The following ELAVL2 variants were observed in gnomAD, a reference collection of about 807,000 sequenced individuals.
The protein encoded by ELAVL2 is ELAV-like protein 2.
A neutral mutation model predicts 34.6 loss-of-function variants in ELAVL2; 4 were observed. That is an observed-to-expected ratio of 0.12 (90% CI 0.06 to 0.26). ELAVL2 has a LOEUF of 0.26. Ranked by LOEUF, ELAVL2 falls within the 10% of genes least tolerant of loss-of-function variation. ELAVL2 has a pLI of 1.00. For synonymous variants in ELAVL2, 193 were observed against 154.8 expected, an observed-to-expected ratio of 1.25 and a Z score of -1.83; for missense variants, 432 against 442.8, an observed-to-expected ratio of 0.98 and a Z score of 0.22.
intron 2 of ELAVL2, among the ~76,000 whole-genome samples, chr9:23,741,483 T>C (rs1485391735): frequency 6.6e-6 from 1 of 152,102 alleles, no homozygotes; most frequent in Non-Finnish European, 1.5e-5. Context: ...ATCACCCACA[T>C]TCTTTTTCCT....
intron 5 of ELAVL2, 132 bp downstream of exon 5, chr9:23,701,247 A>T (rs536060404): frequency 1.0e-6 from 1 of 962,070 alleles, no homozygotes; most frequent in East Asian, 2.4e-5. Flanking sequence ...TGGAGATGAA[A>T]AATTAATAGT....
intron 2 of ELAVL2, among the ~76,000 whole-genome samples, chr9:23,759,223 A>C (rs909641254): frequency 2.0e-5 from 3 of 152,088 alleles, no homozygotes; most frequent in Non-Finnish European, 4.4e-5. Context: ...TACAAAATGA[A>C]ATACCATTCA....
chr9:23,734,732 T>A (rs1290384195), intron 2 of ELAVL2, among the ~76,000 whole-genome samples: 1 of 152,132 alleles, frequency 6.6e-6, no homozygotes, highest in African/African-American at 2.4e-5. Context: ...TATGACAACA[T>A]AAATTGCATC....
chr9:23,739,006 T>A (rs2048527606), intron 2 of ELAVL2, among the ~76,000 whole-genome samples: 1 of 152,154 alleles, frequency 6.6e-6, no homozygotes, highest in South Asian at 2.1e-4. Context: ...TCAGACAACA[T>A]TAAGAACTCC....
intron 3 of ELAVL2, among the ~76,000 whole-genome samples, chr9:23,713,976 C>G (rs1311653576): frequency 6.6e-6 from 1 of 152,170 alleles, no homozygotes; most frequent in East Asian, 1.9e-4. Context: ...ATGTTAATCA[C>G]AGTACTTACC....
At chr9:23,772,095 G>A (rs1201847792) in intron 1 of ELAVL2, among the ~76,000 whole-genome samples, 1 of 152,176 alleles carries the variant, frequency 6.6e-6, no homozygotes, top group Non-Finnish European at 1.5e-5. Flanking sequence ...AATCTGAATT[G>A]CTAAATTAAG....
At chr9:23,724,130 G>C (rs1470198507) in intron 3 of ELAVL2, among the ~76,000 whole-genome samples, 1 of 152,124 alleles carries the variant, frequency 6.6e-6, no homozygotes, top group Non-Finnish European at 1.5e-5. Context: ...TACCCCTGTG[G>C]AGCATGCTTA....
intron 1 of ELAVL2, among the ~76,000 whole-genome samples, chr9:23,787,570 AAC>A (rs200740718): frequency 0.023 from 3,458 of 150,034 alleles, 196 homozygotes; most frequent in Admixed American, 0.12. Flanking sequence ...GGCTTAAAAA[AAC>A]AAAAAAAAAA....
intron 5 of ELAVL2, among the ~76,000 whole-genome samples, chr9:23,694,692 T>C (rs913159217): frequency 3.9e-5 from 6 of 152,212 alleles, no homozygotes; most frequent in Non-Finnish European, 5.9e-5. Context: ...CCAAAACACA[T>C]CTCATCTGGT....
intron 1 of ELAVL2, among the ~76,000 whole-genome samples, chr9:23,820,885 C>T (rs1042159811): frequency 6.6e-6 from 1 of 152,200 alleles, no homozygotes; most frequent in African/African-American, 2.4e-5. Context: ...GCGCGCAAAC[C>T]CGAGATGTGA....
chr9:23,826,921 T>TC (rs1209817931), upstream of ELAVL2, among the ~76,000 whole-genome samples: 2 of 152,178 alleles, frequency 1.3e-5, no homozygotes, highest in Non-Finnish European at 2.9e-5. Context: ...GATTTATGTG[T>TC]CCCCATGAAC....
intron 1 of ELAVL2, among the ~76,000 whole-genome samples, chr9:23,790,921 A>G (rs541337107): frequency 6.6e-6 from 1 of 152,324 alleles, no homozygotes; most frequent in African/African-American, 2.4e-5. Context: ...CTAAGTACAG[A>G]GTGCCTAGAG....
intron 1 of ELAVL2, among the ~76,000 whole-genome samples, chr9:23,774,874 T>C (rs1056343025): frequency 3.9e-5 from 6 of 152,130 alleles, no homozygotes; most frequent in Non-Finnish European, 5.9e-5. Flanking sequence ...AGAATCTAGA[T>C]TAATAATGTG....
In ELAVL2 at chr9:23,691,053, C is replaced by A. The variant is rs9696499; in HGVS notation, c.*1504G>T. 2 of 152,610 alleles carry A rather than the reference C, an allele frequency of 1.3e-5. No homozygotes were observed. Among genetic ancestry groups the A allele is most frequent in the African/African-American group, 4.8e-5 (2 of 41,542 alleles). 9.5% of individuals were successfully genotyped at this position (152,610 alleles called of 1,614,324 possible). On this transcript the variant is annotated 3_prime_UTR_variant, in exon 7 of 7. Transcript: ENST00000397312. ...TTATACCACAAACATATTTATAAAC[C>A]AAAATGTAGCATCACCATAAACAGC...
At chr9:23,806,130 T>C (rs1409849544) in intron 1 of ELAVL2, among the ~76,000 whole-genome samples, 2 of 152,192 alleles carry the variant, frequency 1.3e-5, no homozygotes, top group South Asian at 2.1e-4. Flanking sequence ...ATAGTAGTGA[T>C]ATCTAAAAAA....
At chr9:23,775,811 C>T (rs2136500896) in intron 1 of ELAVL2, among the ~76,000 whole-genome samples, 1 of 152,292 alleles carries the variant, frequency 6.6e-6, no homozygotes, top group South Asian at 2.1e-4. Flanking sequence ...CCTGTTTTCT[C>T]CACCTGCAAC....
chr9:23,847,155 T>C, the ELAVL2 span: 1 of 152,142 alleles, frequency 6.6e-6, no homozygotes, highest in African/African-American at 2.4e-5. Context: ...TTAGATTGTA[T>C]ATTTGACATA....
At chr9:23,736,753 C>G (rs928837656) in intron 2 of ELAVL2, among the ~76,000 whole-genome samples, 1 of 152,146 alleles carries the variant, frequency 6.6e-6, no homozygotes, top group Non-Finnish European at 1.5e-5. Flanking sequence ...TGCTTAGACT[C>G]CCATTAATTC....
At chr9:23,713,850 T>G (rs1259518538) in intron 3 of ELAVL2, among the ~76,000 whole-genome samples, 1 of 152,144 alleles carries the variant, frequency 6.6e-6, no homozygotes, top group African/African-American at 2.4e-5. Context: ...AACCCTCCCA[T>G]GTTAAGGAGT....
Sources: gnomAD v4.1 joint callset for allele counts (sites outside exome capture counted in the v4.1 genomes callset) on GRCh38, gnomAD v4.1.1 for gene constraint, MANE v1.5 for transcripts, NCBI Gene and HGNC (gene_info 2026-07-23, HGNC 2026-07-21) for gene names.